ATXN7: variants seen among roughly 807,000 people sequenced by gnomAD.
The protein encoded by ATXN7 is ataxin 7, also known as ataxin-7.
A neutral mutation model predicts 70.5 loss-of-function variants in ATXN7; 12 were observed. The ratio of observed to expected loss-of-function variants is 0.17; its 90% CI spans 0.11 to 0.28. The LOEUF (loss-of-function observed/expected upper bound fraction) is 0.28, where lower values mean the gene tolerates loss of function less well. Among genes scored for constraint, ATXN7 ranks in the 10% least tolerant of loss-of-function variants. The pLI is 1.00. For missense variants in ATXN7, 1,256 were observed against 1,131.7 expected (o/e 1.11, Z -1.58); for synonymous variants, 498 against 448.7 (o/e 1.11, Z -1.39).
chr3:63,974,993 A>G lies in ATXN7; in HGVS notation c.500-4922A>G, dbSNP rs113097599. Among the ~76,000 whole-genome samples, 714 of 152,268 alleles carry G rather than the reference A, an allele frequency of 4.7e-3. 2 individuals carry two copies. The highest frequency in any genetic ancestry group is 8.0e-3 in the Non-Finnish European group (541 of 68,022). On this transcript the variant is annotated intron_variant, in intron 5 of 12. Coordinates refer to ENST00000674280, the MANE Select transcript of ATXN7 (RefSeq NM_001377405.1). ...AGATGGTAGAAGTTTGAGGGTGTAC[A>G]TTTTGAATCTTCCCACATGGCTCAT... is the stretch of plus-strand genomic sequence containing the variant.
At chr3:63,871,340 TCTTA>T (rs1347677933) in intron 1 of ATXN7, among the ~76,000 whole-genome samples, 3 of 152,348 alleles carry the variant, frequency 2.0e-5, no homozygotes, top group South Asian at 2.1e-4. Context: ...TAAAATGTGT[TCTTA>T]CTTTTAGCAT....
At chr3:63,942,115 C>A (rs2074779309) in intron 4 of ATXN7, among the ~76,000 whole-genome samples, 1 of 152,120 alleles carries the variant, frequency 6.6e-6, no homozygotes, top group South Asian at 2.1e-4. Flanking sequence ...AGTCTGCTGG[C>A]AGATAGGAAC....
chr3:63,953,238 G>A (rs2074985925), intron 5 of ATXN7, among the ~76,000 whole-genome samples: 1 of 152,150 alleles, frequency 6.6e-6, no homozygotes, highest in African/African-American at 2.4e-5. Context: ...TATAGATAGA[G>A]TGTTTAAAGA....
At chr3:63,926,352 A>G (rs1704714670) in intron 4 of ATXN7, among the ~76,000 whole-genome samples, 1 of 152,186 alleles carries the variant, frequency 6.6e-6, no homozygotes, top group Non-Finnish European at 1.5e-5. Context: ...ACAATTTTAA[A>G]TGGGGTGAGA....
At chr3:63,915,240 G>A (rs979729142) in intron 4 of ATXN7, among the ~76,000 whole-genome samples, 1 of 152,106 alleles carries the variant, frequency 6.6e-6, no homozygotes, top group Non-Finnish European at 1.5e-5. Context: ...GCCCTTGTTA[G>A]TGTTTTTTAA....
chr3:63,988,288 C>G lies in ATXN7; in HGVS notation c.1325C>G (p.Ala442Gly). 1 of 1,614,060 alleles carries G rather than the reference C, an allele frequency of 6.2e-7. No individual in the cohort carries two copies. Among genetic ancestry groups the G allele is most frequent in the Non-Finnish European group, 8.5e-7 (1 of 1,180,024 alleles). ...CCTTCCGAATCAAAGCCTTTTGTAG[C>G]TAGTAAACCTAAACCTCACACCCCC... ...VIPSESKPFV[A>G]SKPKPHTPSL... The change falls in exon 9 of 13, where the codon GCT becomes GGT. Residue 442 changes from alanine to glycine, a missense_variant. Transcript: ENST00000674280.
intron 2 of ATXN7, chr3:63,905,778 A>T (rs1703818575): frequency 6.6e-6 from 1 of 152,204 alleles, no homozygotes; most frequent in Non-Finnish European, 1.5e-5. Flanking sequence ...GTGGGGGCAT[A>T]GTAGGAAGTG....
At position 63,912,710 on chromosome 3, in the gene ATXN7, CAG is replaced by C. The variant is rs1491568131; in HGVS notation, c.113_114del (p.Gln38ProfsTer50). 1.5e-4 allele frequency: 183 copies of C among 1,208,184 alleles called. No homozygotes were observed. The African/African-American group carries it at 2.3e-3, about 15-fold the overall frequency. The allele number at this position is 1,208,184 out of a possible 1,614,324, so 74.8% of individuals were successfully genotyped here. A position where few individuals can be genotyped will look rare whatever the true frequency, so the allele number is the denominator to read the frequency against. ...GCAGCAGCAGCAGCAGCAGCAGCAG[CAG>C]CAGCCGCCGCCTCCGCAGCCCCAGC... ...ARQQQQQQQQ[Q>X]QPPPPQPQRQ... On this transcript the variant is annotated frameshift_variant, in exon 3 of 13. Coordinates refer to ENST00000674280, the MANE Select transcript of ATXN7 (RefSeq NM_001377405.1). LOFTEE classifies it high-confidence loss of function.
Position 63,982,335 on chromosome 3 carries a change from C to T in ATXN7, c.902C>T (p.Pro301Leu). The T allele has an allele frequency of 1.2e-6, 2 of 1,614,162 alleles. No individual in the cohort carries two copies. Among genetic ancestry groups the T allele is most frequent in the Non-Finnish European group, 1.7e-6 (2 of 1,180,034 alleles). ...NCPSIPKPTL[P>L]SPGQILNGKG... ...CCCTCAATACCAAAGCCAACCTTGCCTTCACCTGGACAGATTCTGAATGGC... is the reference window on the plus strand; with the variant it reads ...CCCTCAATACCAAAGCCAACCTTGCTTTCACCTGGACAGATTCTGAATGGC... The change falls in exon 7 of 13, where the codon CCT becomes CTT. Residue 301 changes from proline (P) to leucine (L), a missense_variant. Physicochemically the swap from Pro to Leu is moderately conservative, Grantham distance 98 (BLOSUM62 -3). Coordinates refer to ENST00000674280, the MANE Select transcript of ATXN7 (RefSeq NM_001377405.1).
chr3:63,979,791 A>T, intron 5 of ATXN7, 124 bp from the exon 6 acceptor site: 1 of 1,352,542 alleles, frequency 7.4e-7, no homozygotes. Context: ...TGCTGAGTTT[A>T]ACATACCTTC....
chr3:63,977,159 T>C (rs1014696351), intron 5 of ATXN7, among the ~76,000 whole-genome samples: 1 of 152,156 alleles, frequency 6.6e-6, no homozygotes, highest in Non-Finnish European at 1.5e-5. Flanking sequence ...CAGCCAGGTA[T>C]AGTTTTCTGT....
intron 4 of ATXN7, among the ~76,000 whole-genome samples, chr3:63,950,974 A>G (rs1295819389): frequency 2.6e-5 from 4 of 152,164 alleles, no homozygotes; most frequent in Admixed American, 6.5e-5. Flanking sequence ...AAGCCACATT[A>G]TAAGTCAGAA....
At chr3:63,886,611 C>A (rs1427545039) in intron 1 of ATXN7, among the ~76,000 whole-genome samples, 1 of 152,040 alleles carries the variant, frequency 6.6e-6, no homozygotes, top group African/African-American at 2.4e-5. Context: ...ATAGGGAAAA[C>A]CAGGTGTCAG....
At chr3:63,951,110 C>T (rs1460496080) in intron 4 of ATXN7, among the ~76,000 whole-genome samples, 2 of 152,166 alleles carry the variant, frequency 1.3e-5, no homozygotes, top group East Asian at 1.9e-4. Flanking sequence ...GAAATAATAG[C>T]TTGTAGAAAC....
intron 4 of ATXN7, among the ~76,000 whole-genome samples, chr3:63,945,773 G>A (rs1204799768): frequency 1.3e-5 from 2 of 152,190 alleles, no homozygotes; most frequent in African/African-American, 4.8e-5. Flanking sequence ...TGCTTGGCTA[G>A]GAGCCCTACC....
At chr3:63,930,610 C>T (rs1328740259) in intron 4 of ATXN7, among the ~76,000 whole-genome samples, 1 of 151,778 alleles carries the variant, frequency 6.6e-6, no homozygotes, top group Non-Finnish European at 1.5e-5. Context: ...TGGCTCACTG[C>T]AAGCTCCGCC....
chr3:63,995,891 C>T lies in ATXN7; in HGVS notation c.2069C>T (p.Thr690Ile), dbSNP rs776932346. 51 of 1,614,126 alleles carry T rather than the reference C, an allele frequency of 3.2e-5. No individual in the cohort carries two copies. The highest frequency in any genetic ancestry group is 4.1e-5 in the Non-Finnish European group (48 of 1,180,052). Residue 690 changes from threonine to isoleucine, a missense_variant, in exon 12 of 13, where the codon ACT becomes ATT. Physicochemically the swap from Thr to Ile is moderately conservative, Grantham distance 89. Coordinates refer to ENST00000674280, the MANE Select transcript of ATXN7 (RefSeq NM_001377405.1). ...LRPKESSGNS[T>I]NCQNASSSTS... is the part of the protein sequence containing the mutation. ...CCCAAGGAGTCTTCTGGTAACAGCA[C>T]TAACTGTCAAAATGCCAGTAGCAGT...
chr3:63,942,575 G>A (rs931581784), intron 4 of ATXN7, among the ~76,000 whole-genome samples: 5 of 152,136 alleles, frequency 3.3e-5, no homozygotes, highest in Admixed American at 3.3e-4. Flanking sequence ...TTTATTCAGT[G>A]CATAAATGAA....
intron 1 of ATXN7, among the ~76,000 whole-genome samples, 182 bp downstream of exon 1, chr3:63,864,340 G>T (rs954163434): frequency 5.9e-5 from 9 of 151,992 alleles, no homozygotes; most frequent in Admixed American, 6.5e-5. Context: ...GGGACGCCCG[G>T]ATCCGGCTGA....
Sources: allele counts gnomAD v4.1 joint callset (sites outside exome capture counted in the v4.1 genomes callset), GRCh38; gene constraint gnomAD v4.1.1; transcripts MANE v1.5; gene names NCBI Gene and HGNC (gene_info 2026-07-23, HGNC 2026-07-21).